Variants in ARHGAP22 observed in about 807,000 individuals in gnomAD.
The protein encoded by ARHGAP22 is rho GTPase-activating protein 22.
Under a neutral mutation model 59.1 loss-of-function variants are expected in ARHGAP22, and 48 were observed. The ratio of observed to expected loss-of-function variants is 0.81; its 90% CI spans 0.64 to 1.03. The LOEUF is 1.03. Among genes scored for constraint, ARHGAP22 ranks in the 50% least tolerant of loss-of-function variants. The pLI, the probability that ARHGAP22 is intolerant of heterozygous loss-of-function variation, is 0.00. For synonymous variants in ARHGAP22, 445 were observed against 416.4 expected (o/e 1.07, Z -0.84); for missense variants, 1,015 against 958.7 (o/e 1.06, Z -0.78).
At chr10:48,627,781 T>C (rs560563378) in intron 1 of ARHGAP22, among the ~76,000 whole-genome samples, 1 of 152,244 alleles carries the variant, frequency 6.6e-6, no homozygotes, top group East Asian at 1.9e-4. Context: ...TGGATGAGGG[T>C]CACTTTGGGC....
At chr10:48,483,540 T>C (rs997471027) in intron 3 of ARHGAP22, among the ~76,000 whole-genome samples, 3 of 151,870 alleles carry the variant, frequency 2.0e-5, no homozygotes, top group African/African-American at 7.3e-5. Flanking sequence ...GTATAAGAGT[T>C]TTCTTTTTTC....
At chr10:48,499,675 T>C (rs2051305977) in intron 3 of ARHGAP22, among the ~76,000 whole-genome samples, 1 of 152,230 alleles carries the variant, frequency 6.6e-6, no homozygotes, top group African/African-American at 2.4e-5. Context: ...ACTCCTGCTG[T>C]TAAATTATTT....
rs755161585 is a variant in ARHGAP22, at chr10:48,450,832, G to C, written c.1297C>G (p.Arg433Gly). ...QTLPSWKSSF[R>G]QPRSLSGSPK... ...CTTCCCGATAGGGACCTCGGCTGCCGGAAGGAGGACTTCCAACTGGGCAGG... is the reference window on the plus strand; with the variant it reads ...CTTCCCGATAGGGACCTCGGCTGCCCGAAGGAGGACTTCCAACTGGGCAGG... Residue 433 changes from arginine (R) to glycine (G), a missense_variant, in exon 9 of 10, where the codon CGG becomes GGG. Coordinates refer to ENST00000249601, the MANE Select transcript of ARHGAP22 (RefSeq NM_021226.4). 3 of 1,588,280 alleles carry C rather than the reference G, an allele frequency of 1.9e-6. No homozygotes were observed. The African/African-American group carries it at 4.0e-5, about 21-fold the overall frequency.
At chr10:48,598,124 A>G (rs11101397) in intron 1 of ARHGAP22, among the ~76,000 whole-genome samples, 126,175 of 152,300 alleles carry the variant, frequency 0.83, 56,320 homozygotes, top group Non-Finnish European at 0.99. Flanking sequence ...AGTGTCTAAG[A>G]GCACTGGTCA....
In ARHGAP22 at chr10:48,451,440, G is replaced by T. The variant is rs1320614137; in HGVS notation, c.989-300C>A. 5.7e-6 allele frequency: 4 copies of T among 702,848 alleles called. No homozygotes were observed. The East Asian group carries it at 1.1e-4, about 19-fold the overall frequency. The allele number at this position is 702,848 out of a possible 1,614,324, so 43.5% of individuals were successfully genotyped here. ...GGTGGGGTGAGGAAGCAGGCACCAA[G>T]GCTGCACGGTGAGCAGGTGGCAGGT... On this transcript the variant is annotated intron_variant, in intron 8 of 9. Coordinates refer to ENST00000249601, the MANE Select transcript of ARHGAP22 (RefSeq NM_021226.4).
chr10:48,552,378 C>T (rs567741558), intron 3 of ARHGAP22, among the ~76,000 whole-genome samples: 1 of 152,408 alleles, frequency 6.6e-6, no homozygotes, highest in South Asian at 2.1e-4. Context: ...TAGGCTCCTT[C>T]CTGCGCCTGT....
At chr10:48,625,439 T>G (rs966596108) in intron 1 of ARHGAP22, among the ~76,000 whole-genome samples, 1 of 152,128 alleles carries the variant, frequency 6.6e-6, no homozygotes, top group Non-Finnish European at 1.5e-5. Context: ...TGTAAGGTGC[T>G]CTAGGACTTC....
chr10:48,565,730 G>A (rs536879416), intron 2 of ARHGAP22, among the ~76,000 whole-genome samples: 2 of 152,236 alleles, frequency 1.3e-5, no homozygotes, highest in East Asian at 3.9e-4. Context: ...TTGTCACTGG[G>A]CCATCTGAGA....
At chr10:48,618,671 A>G (rs1370462421) in intron 1 of ARHGAP22, among the ~76,000 whole-genome samples, 1 of 152,148 alleles carries the variant, frequency 6.6e-6, no homozygotes, top group Non-Finnish European at 1.5e-5. Flanking sequence ...AATTCTCAAC[A>G]AGTTAGGTAC....
chr10:48,476,481 C>T (rs1191845927), intron 4 of ARHGAP22, among the ~76,000 whole-genome samples: 1 of 152,224 alleles, frequency 6.6e-6, no homozygotes, highest in Non-Finnish European at 1.5e-5. Flanking sequence ...GCCTCCTTCC[C>T]AGGGGATGCA....
chr10:48,644,863 A>G (rs2062223964), intron 1 of ARHGAP22, among the ~76,000 whole-genome samples: 1 of 152,102 alleles, frequency 6.6e-6, no homozygotes, highest in Non-Finnish European at 1.5e-5. Flanking sequence ...AGAAACTAGA[A>G]AAATTAGAAA....
chr10:48,532,837 A>G (rs1456547696), intron 3 of ARHGAP22: 2 of 152,118 alleles, frequency 1.3e-5, no homozygotes, highest in African/African-American at 4.8e-5. Context: ...TTATGGCTGC[A>G]TAGTATTCCA....
upstream of ARHGAP22, among the ~76,000 whole-genome samples, chr10:48,655,202 C>T (rs561714735): frequency 2.3e-4 from 32 of 139,312 alleles, 1 homozygote; most frequent in South Asian, 7.8e-3. Context: ...GGGAAGGTCC[C>T]TTCTCCTCAC....
intron 8 of ARHGAP22, 62 bp downstream of exon 8, chr10:48,453,242 T>G: frequency 6.2e-7 from 1 of 1,606,038 alleles, no homozygotes; most frequent in Non-Finnish European, 8.5e-7. Context: ...GGACTTGCCG[T>G]GGACCAAGAT....
chr10:48,514,801 G>A (rs959648747), intron 3 of ARHGAP22, among the ~76,000 whole-genome samples: 1 of 152,136 alleles, frequency 6.6e-6, no homozygotes. Flanking sequence ...TGGCACCAAC[G>A]AGTCAGGCAG....
chr10:48,534,057 C>G (rs1590002143), intron 3 of ARHGAP22, among the ~76,000 whole-genome samples: 1 of 152,240 alleles, frequency 6.6e-6, no homozygotes, highest in East Asian at 1.9e-4. Context: ...CTCTGGCACA[C>G]TGGCAGTGCC....
intron 9 of ARHGAP22, among the ~76,000 whole-genome samples, chr10:48,447,807 C>T (rs2045512086): frequency 6.6e-6 from 1 of 152,346 alleles, no homozygotes; most frequent in African/African-American, 2.4e-5. Flanking sequence ...GAACACCTTC[C>T]CTCAGCTGCT....
At chr10:48,642,025 T>C (rs1198492033) in intron 1 of ARHGAP22, among the ~76,000 whole-genome samples, 1 of 152,142 alleles carries the variant, frequency 6.6e-6, no homozygotes, top group Admixed American at 6.5e-5. Flanking sequence ...GAATCCAGCT[T>C]ACAAGGGATG....
At position 48,459,747 on chromosome 10, in the gene ARHGAP22, T is replaced by A; in HGVS notation, c.596A>T (p.Gln199Leu). 1 of 1,614,012 alleles carries A rather than the reference T, an allele frequency of 6.2e-7. No homozygotes were observed. The highest frequency in any genetic ancestry group is 8.5e-7 in the Non-Finnish European group (1 of 1,179,918). ...CTGCAGGTCCCTCACCAGGTTGGCCTGGCCTGGCATGCGGAACAGCCCCTC... is the reference window on the plus strand; with the variant it reads ...CTGCAGGTCCCTCACCAGGTTGGCCAGGCCTGGCATGCGGAACAGCCCCTC... ...TEEGLFRMPGQANLVRDLQDS... is the reference protein window; with the variant it reads ...TEEGLFRMPGLANLVRDLQDS... Residue 199 changes from glutamine (Q) to leucine (L), a missense_variant, in exon 5 of 10, where the codon CAG becomes CTG. Physicochemically the swap from Gln to Leu is moderately radical, Grantham distance 113 (BLOSUM62 -2). Coordinates refer to ENST00000249601, the MANE Select transcript of ARHGAP22 (RefSeq NM_021226.4).
Sources: gnomAD v4.1 joint callset for allele counts (sites outside exome capture counted in the v4.1 genomes callset) on GRCh38, gnomAD v4.1.1 for gene constraint, MANE v1.5 for transcripts, NCBI Gene and HGNC (gene_info 2026-07-23, HGNC 2026-07-21) for gene names.